TRIM55: variants seen among roughly 807,000 people sequenced by gnomAD.
TRIM55 encodes tripartite motif containing 55.
In TRIM55, 50 loss-of-function variants were observed where a neutral mutation model predicts 60.9. The ratio of observed to expected loss-of-function variants is 0.82; its 90% CI spans 0.65 to 1.04. TRIM55 has a LOEUF of 1.04. Among genes scored for constraint, TRIM55 ranks in the 50% least tolerant of loss-of-function variants. The probability of loss-of-function intolerance (pLI) is 0.00; values close to 1 mark genes in which losing one functional copy is unlikely to be tolerated. For missense variants in TRIM55, 681 were observed against 666.9 expected (o/e 1.02, Z -0.23); for synonymous variants, 237 against 238.1 (o/e 1.00, Z 0.04).
In TRIM55 at chr8:66,174,408, A is replaced by G. The variant is rs1044862738; in HGVS notation, c.1525-63A>G. ...ATACTTTCTCCTCAATAGAAAAGTG[A>G]CTGGACCAATCCAAAAAGAACAAAC... On this transcript the variant is annotated intron_variant, in intron 9 of 9. Transcript: ENST00000315962. 4.5e-6 allele frequency: 7 copies of G among 1,545,772 alleles called. No individual in the cohort carries two copies. The African/African-American group carries it at 9.6e-5, about 21-fold the overall frequency.
At chr8:66,147,441 T>C (rs1331458349) in intron 4 of TRIM55, among the ~76,000 whole-genome samples, 1 of 152,098 alleles carries the variant, frequency 6.6e-6, no homozygotes, top group East Asian at 1.9e-4. Context: ...GTTTAGGTCA[T>C]TCTCCCTGAC....
At chr8:66,159,557 G>A (rs1810931838) in intron 9 of TRIM55, among the ~76,000 whole-genome samples, 1 of 152,214 alleles carries the variant, frequency 6.6e-6, no homozygotes. Flanking sequence ...AAATGAAGGA[G>A]TGGAATTGCT....
chr8:66,114,816 T>C, the TRIM55 span: 4 of 337,382 alleles, frequency 1.2e-5, no homozygotes, highest in Non-Finnish European at 2.4e-5. Flanking sequence ...GGGGCTGCCG[T>C]TGGAGGAGGT....
At chr8:66,113,430 A>C in the TRIM55 span, 4 of 445,032 alleles carry the variant, frequency 9.0e-6, no homozygotes, top group African/African-American at 8.0e-5. Flanking sequence ...AGACATCCTT[A>C]GGTCGCTGGT....
chr8:66,130,322 T>G (rs1809064082), intron 2 of TRIM55, among the ~76,000 whole-genome samples: 1 of 152,128 alleles, frequency 6.6e-6, no homozygotes, highest in Non-Finnish European at 1.5e-5. Context: ...TTTTCTGTGA[T>G]TTTGTTATGC....
In TRIM55 at chr8:66,154,345, A is replaced by T. The variant is rs756547718; in HGVS notation, c.1524+11A>T. On this transcript the variant is annotated intron_variant, in intron 9 of 9. Coordinates refer to ENST00000315962, the MANE Select transcript of TRIM55 (RefSeq NM_184085.2). ...GCAGCTACTTCTCAGGTTAGTGATG[A>T]TGCACTTGTGTCTATGCTTTCCCGC... 6.2e-7 allele frequency: 1 copy of T among 1,612,712 alleles called. No homozygotes were observed. The highest frequency in any genetic ancestry group is 8.5e-7 in the Non-Finnish European group (1 of 1,178,930).
At chr8:66,119,721 C>T in the TRIM55 span, among the ~76,000 whole-genome samples, 5 of 152,176 alleles carry the variant, frequency 3.3e-5, no homozygotes, top group African/African-American at 1.2e-4. Flanking sequence ...GTTGGAGAGT[C>T]CTTCATATGC....
intron 9 of TRIM55, among the ~76,000 whole-genome samples, chr8:66,158,682 G>T (rs1225661571): frequency 6.6e-6 from 1 of 152,238 alleles, no homozygotes; most frequent in African/African-American, 2.4e-5. Flanking sequence ...ACTTAGGCCT[G>T]ACACAAGTCA....
intron 1 of TRIM55, among the ~76,000 whole-genome samples, chr8:66,127,789 C>A (rs956079023): frequency 6.6e-6 from 1 of 152,142 alleles, no homozygotes; most frequent in Non-Finnish European, 1.5e-5. Flanking sequence ...GAGCGGAGAT[C>A]GTGCCATTGC....
intron 4 of TRIM55, among the ~76,000 whole-genome samples, chr8:66,145,670 T>TC (rs1213563298): frequency 6.6e-6 from 1 of 151,890 alleles, no homozygotes; most frequent in Non-Finnish European, 1.5e-5. Context: ...GTTTTTTTTT[T>TC]CTCTTTTGGA....
chr8:66,130,058 T>G (rs1032552525), intron 2 of TRIM55, among the ~76,000 whole-genome samples: 1 of 152,262 alleles, frequency 6.6e-6, no homozygotes, highest in Non-Finnish European at 1.5e-5. Flanking sequence ...AATAAATTTA[T>G]GTTTTGTTAC....
At chr8:66,166,044 A>G (rs1811312105) in intron 9 of TRIM55, among the ~76,000 whole-genome samples, 1 of 151,208 alleles carries the variant, frequency 6.6e-6, no homozygotes, top group South Asian at 2.1e-4. Context: ...CATCTCCTCA[A>G]TCTCCTCAAG....
the TRIM55 span, among the ~76,000 whole-genome samples, chr8:66,120,386 T>A: frequency 6.6e-6 from 1 of 152,132 alleles, no homozygotes; most frequent in African/African-American, 2.4e-5. Context: ...CCTGCTAGTT[T>A]ATGCTAATGA....
intron 4 of TRIM55, among the ~76,000 whole-genome samples, chr8:66,145,686 A>T (rs1270381685): frequency 1.3e-5 from 2 of 151,574 alleles, no homozygotes; most frequent in African/African-American, 4.9e-5. Context: ...TTGGAGGTGG[A>T]GTCTCACTCT....
intron 8 of TRIM55, among the ~76,000 whole-genome samples, chr8:66,153,774 G>T (rs936119743): frequency 6.6e-6 from 1 of 152,130 alleles, no homozygotes; most frequent in Non-Finnish European, 1.5e-5. Context: ...ATTCACTGAG[G>T]TTTCTGCTCT....
At chr8:66,125,682 A>G (rs1351873146), upstream of TRIM55, among the ~76,000 whole-genome samples, 1 of 152,218 alleles carries the variant, frequency 6.6e-6, no homozygotes, top group Non-Finnish European at 1.5e-5. Flanking sequence ...TGCTAAATAA[A>G]TATTGAAAGG....
the TRIM55 span, chr8:66,113,398 C>G: frequency 4.8e-6 from 2 of 416,280 alleles, no homozygotes; most frequent in Non-Finnish European, 9.7e-6. Context: ...GAGCGGAGGA[C>G]TGTAGCTACT....
chr8:66,174,549 C>T lies in TRIM55; in HGVS notation c.1603C>T (p.Arg535Cys), dbSNP rs866883514. Residue 535 changes from arginine to cysteine, a missense_variant, in exon 10 of 10, where the codon CGC (arginine) becomes TGC (cysteine). Coordinates refer to ENST00000315962, the MANE Select transcript of TRIM55 (RefSeq NM_184085.2). ...SGSGADSEPA[R>C]HIFSFSWLNS... is the part of the protein sequence containing the mutation. ...CAGTGGAGCTGATTCTGAGCCAGCT[C>T]GCCATATCTTCTCCTTTTCCTGGTT... The T allele has an allele frequency of 1.4e-5, 22 of 1,609,110 alleles. No individual in the cohort carries two copies. The highest frequency in any genetic ancestry group is 4.0e-5 in the African/African-American group (3 of 74,616).
At chr8:66,124,213 T>A (rs1261741451), upstream of TRIM55, among the ~76,000 whole-genome samples, 1 of 152,230 alleles carries the variant, frequency 6.6e-6, no homozygotes, top group East Asian at 1.9e-4. Flanking sequence ...CAGCCTCTGA[T>A]CTGGTTTTTA....
Sources: gnomAD v4.1 joint callset for allele counts (sites outside exome capture counted in the v4.1 genomes callset) on GRCh38, gnomAD v4.1.1 for gene constraint, MANE v1.5 for transcripts, NCBI Gene and HGNC (gene_info 2026-07-23, HGNC 2026-07-21) for gene names.